Variants in ZFHX4 observed in about 807,000 individuals in gnomAD.
ZFHX4 encodes zinc finger homeobox 4, also known as zinc finger homeobox protein 4.
ZFHX4 carries 56 observed loss-of-function variants against 267.6 expected under a neutral mutation model. That is an observed-to-expected ratio of 0.21 (90% CI 0.17 to 0.26). The LOEUF is 0.26. Among genes scored for constraint, ZFHX4 ranks in the 10% least tolerant of loss-of-function variants. The pLI is 1.00. For synonymous variants in ZFHX4, 1,778 were observed against 1,665.6 expected, an observed-to-expected ratio of 1.07 and a Z score of -1.64; for missense variants, 4,332 against 4,420.0, an observed-to-expected ratio of 0.98 and a Z score of 0.56.
intron 1 of ZFHX4, among the ~76,000 whole-genome samples, chr8:76,694,190 T>A (rs1225652186): frequency 6.6e-6 from 1 of 152,220 alleles, no homozygotes; most frequent in Admixed American, 6.5e-5. Flanking sequence ...GGTTCTAACA[T>A]AACCTAAAGG....
intron 3 of ZFHX4, among the ~76,000 whole-genome samples, chr8:76,774,463 C>A (rs554040894): frequency 6.1e-4 from 93 of 152,168 alleles, no homozygotes; most frequent in Non-Finnish European, 1.2e-3. Flanking sequence ...TAGATGTTTT[C>A]TGATTTTTGA....
chr8:76,681,296 C>A lies in ZFHX4; in HGVS notation c.-371C>A. 2.5e-6 allele frequency: 1 copy of A among 398,524 alleles called. No individual in the cohort carries two copies. Among genetic ancestry groups the A allele is most frequent in the Non-Finnish European group, 4.4e-6 (1 of 225,888 alleles). The allele number at this position is 398,524 out of a possible 1,614,324, so 24.7% of individuals were successfully genotyped here. Reference sequence around the variant, plus strand: ...TAATCAGCCATTTTTTTAAACAGGGCTAAAACGATAATAATTAGCAGAATA... The same window carrying A: ...TAATCAGCCATTTTTTTAAACAGGGATAAAACGATAATAATTAGCAGAATA... On this transcript the variant is annotated 5_prime_UTR_variant, in exon 1 of 11. Coordinates refer to ENST00000651372, the MANE Select transcript of ZFHX4 (RefSeq NM_024721.5).
intron 1 of ZFHX4, among the ~76,000 whole-genome samples, chr8:76,696,634 CAA>C (rs34436337): frequency 0.062 from 6,375 of 102,080 alleles, 300 homozygotes; most frequent in East Asian, 0.28. Context: ...ACTTTCAGGC[CAA>C]AAAAAAAAAA....
At position 76,706,511 on chromosome 8, in the gene ZFHX4, A is replaced by G. The variant is rs1395780956; in HGVS notation, c.2423A>G (p.Asn808Ser). 1 of 1,613,742 alleles carries G rather than the reference A, an allele frequency of 6.2e-7. No homozygotes were observed. Among genetic ancestry groups the G allele is most frequent in the African/African-American group, 1.3e-5 (1 of 74,944 alleles). Residue 808 changes from asparagine (N) to serine (S), a missense_variant, in exon 2 of 11, where the codon AAT (asparagine) becomes AGT (serine). By Grantham distance (46) the Asn-to-Ser change is conservative. Around this residue, in one of 7 missense-constraint regions of ZFHX4, gnomAD observed 1,195 missense variants for 1,173.6 expected, o/e 1.02. Transcript: ENST00000651372. The part of the protein sequence containing the change: ...LQQNMKQIQH[N>S]LHLGLAPAEA... The stretch of plus-strand genomic sequence containing the variant: ...CAGAACATGAAGCAGATCCAGCATA[A>G]TCTGCACTTGGGCCTCGCCCCGGCG...
chr8:76,740,254 T>C (rs1244520081), intron 3 of ZFHX4, among the ~76,000 whole-genome samples: 1 of 149,974 alleles, frequency 6.7e-6, no homozygotes, highest in African/African-American at 2.5e-5. Context: ...ATGTTTATAA[T>C]ATTAAAGGAA....
At chr8:76,697,285 T>G (rs1312781726) in intron 1 of ZFHX4, among the ~76,000 whole-genome samples, 3 of 152,044 alleles carry the variant, frequency 2.0e-5, no homozygotes, top group African/African-American at 7.2e-5. Context: ...TCATATGTCT[T>G]TACATATGAA....
chr8:76,769,558 C>T (rs1338976284), intron 3 of ZFHX4, among the ~76,000 whole-genome samples: 1 of 152,096 alleles, frequency 6.6e-6, no homozygotes, highest in African/African-American at 2.4e-5. Context: ...GCCATATTAG[C>T]CCAGGCTGGT....
intron 1 of ZFHX4, among the ~76,000 whole-genome samples, chr8:76,688,033 T>G (rs1036056922): frequency 1.3e-5 from 2 of 152,194 alleles, no homozygotes; most frequent in Admixed American, 1.3e-4. Flanking sequence ...CTTTATAAGA[T>G]GCTGTGTTTT....
At chr8:76,731,838 A>G (rs1213515726) in intron 3 of ZFHX4, among the ~76,000 whole-genome samples, 1 of 147,926 alleles carries the variant, frequency 6.8e-6, no homozygotes, top group Non-Finnish European at 1.5e-5. Flanking sequence ...ACTTTATGTG[A>G]CAGTTGTTGG....
intron 3 of ZFHX4, among the ~76,000 whole-genome samples, chr8:76,712,359 A>G (rs1415658322): frequency 3.9e-5 from 6 of 152,204 alleles, no homozygotes; most frequent in Non-Finnish European, 8.8e-5. Context: ...AGGAAATTTA[A>G]AAAATGGAAT....
At chr8:76,734,594 GT>G (rs1809108732) in intron 3 of ZFHX4, among the ~76,000 whole-genome samples, 1 of 152,082 alleles carries the variant, frequency 6.6e-6, no homozygotes, top group African/African-American at 2.4e-5. Context: ...AACAGCAGGG[GT>G]TTGGCCTGAA....
At chr8:76,815,980 G>A (rs1437681409) in intron 4 of ZFHX4, among the ~76,000 whole-genome samples, 2 of 152,144 alleles carry the variant, frequency 1.3e-5, no homozygotes, top group Non-Finnish European at 2.9e-5. Flanking sequence ...AGGTCTTGTC[G>A]TTAACCTTGT....
intron 1 of ZFHX4, among the ~76,000 whole-genome samples, chr8:76,685,245 C>T (rs1464831517): frequency 6.6e-6 from 1 of 152,168 alleles, no homozygotes; most frequent in African/African-American, 2.4e-5. Context: ...TTCCACGAAG[C>T]CAAATTGCCC....
chr8:76,783,361 TGTTTCTCC>T (rs1211541865), intron 4 of ZFHX4, among the ~76,000 whole-genome samples: 2 of 152,054 alleles, frequency 1.3e-5, no homozygotes, highest in African/African-American at 4.8e-5. Context: ...TTTCTGATTT[TGTTTCTCC>T]TGAATATTGG....
At chr8:76,687,535 A>AT (rs1302929948) in intron 1 of ZFHX4, among the ~76,000 whole-genome samples, 1 of 152,194 alleles carries the variant, frequency 6.6e-6, no homozygotes, top group Non-Finnish European at 1.5e-5. Flanking sequence ...CTTTTTGGGC[A>AT]TCTGTAAAAG....
In ZFHX4 at chr8:76,863,927, T is replaced by C. The variant is rs1444940994; in HGVS notation, c.10213T>C (p.Cys3405Arg). ...VVPFVKYEFI[C>R]RKCQMMFTDE... ...TCCATTCGTCAAGTATGAGTTTATA[T>C]GCAGAAAGTGCCAGATGATGTTTAC... The change falls in exon 11 of 11, where the codon TGC becomes CGC. Residue 3405 changes from cysteine (C) to arginine (R), a missense_variant. This residue lies in a region of ZFHX4 where 1,648 missense variants were observed against 1,625.0 expected (regional missense o/e 1.01). Coordinates refer to ENST00000651372, the MANE Select transcript of ZFHX4 (RefSeq NM_024721.5). The C allele has an allele frequency of 1.3e-6, 2 of 1,596,990 alleles. No homozygotes were observed. The highest frequency in any genetic ancestry group is 1.7e-6 in the Non-Finnish European group (2 of 1,171,138).
At chr8:76,699,760 AG>A (rs1209920751) in intron 1 of ZFHX4, among the ~76,000 whole-genome samples, 7 of 148,644 alleles carry the variant, frequency 4.7e-5, no homozygotes, top group African/African-American at 1.8e-4. Flanking sequence ...AAAAAAAAAA[AG>A]TCCAGCCAAA....
chr8:76,743,978 C>A (rs892330337), intron 3 of ZFHX4, among the ~76,000 whole-genome samples: 12 of 152,178 alleles, frequency 7.9e-5, no homozygotes, highest in Non-Finnish European at 4.4e-5. Flanking sequence ...TTAACCACTT[C>A]ATTGTTTAAG....
At chr8:76,786,502 G>A (rs1331948683) in intron 4 of ZFHX4, among the ~76,000 whole-genome samples, 1 of 151,536 alleles carries the variant, frequency 6.6e-6, no homozygotes, top group Non-Finnish European at 1.5e-5. Flanking sequence ...AAGTCAATGC[G>A]ATATAGTAAA....
Sources: allele counts gnomAD v4.1 joint callset (sites outside exome capture counted in the v4.1 genomes callset), GRCh38; gene constraint gnomAD v4.1.1; regional missense constraint gnomAD v4.1.1; transcripts MANE v1.5; gene names NCBI Gene and HGNC (gene_info 2026-07-23, HGNC 2026-07-21).